The following CDC42SE2 variants were observed in gnomAD, a reference collection of about 807,000 sequenced individuals.
CDC42SE2 encodes CDC42 small effector 2, also known as CDC42 small effector protein 2.
A neutral mutation model predicts 11.5 loss-of-function variants in CDC42SE2; 3 were observed. The observed-to-expected ratio is 0.26, with a 90% CI of 0.12 to 0.67. The LOEUF is 0.67. CDC42SE2 is among the 30% of genes least tolerant of loss of function. CDC42SE2 has a pLI of 0.80. For synonymous variants in CDC42SE2, 33 were observed against 34.8 expected (o/e 0.95, Z 0.18); for missense variants, 82 against 106.8 (o/e 0.77, Z 1.02).
chr5:131,345,265 G>T (rs138786175), intron 2 of CDC42SE2, among the ~76,000 whole-genome samples: 5,946 of 152,072 alleles, frequency 0.039, 366 homozygotes, highest in African/African-American at 0.13. Context: ...GAAAAAAGAT[G>T]AGACGAATGG....
At chr5:131,365,714 G>A (rs1368941657) in intron 3 of CDC42SE2, among the ~76,000 whole-genome samples, 1 of 152,186 alleles carries the variant, frequency 6.6e-6, no homozygotes, top group African/African-American at 2.4e-5. Context: ...CTGGCGTGGT[G>A]GCTCACACCT....
intron 1 of CDC42SE2, among the ~76,000 whole-genome samples, chr5:131,289,539 G>A (rs2149708055): frequency 6.6e-6 from 1 of 152,200 alleles, no homozygotes; most frequent in South Asian, 2.1e-4. Context: ...TGGGCGTGGT[G>A]GCACGCGCCT....
At chr5:131,215,518 C>T in the CDC42SE2 span, among the ~76,000 whole-genome samples, 3 of 152,210 alleles carry the variant, frequency 2.0e-5, no homozygotes, top group Admixed American at 2.0e-4. Context: ...ACTATTGCTG[C>T]AGTCCACCTT....
intron 3 of CDC42SE2, among the ~76,000 whole-genome samples, chr5:131,381,598 C>T (rs1389080916): frequency 6.6e-6 from 1 of 152,226 alleles, no homozygotes; most frequent in Non-Finnish European, 1.5e-5. Context: ...GCTGGGATTA[C>T]AGGCGTGAGC....
chr5:131,386,927 C>T (rs774215139), intron 4 of CDC42SE2, among the ~76,000 whole-genome samples: 1 of 152,214 alleles, frequency 6.6e-6, no homozygotes, highest in Non-Finnish European at 1.5e-5. Context: ...CGACGTTTGT[C>T]ACTGCAGTTA....
the CDC42SE2 span, among the ~76,000 whole-genome samples, chr5:131,221,121 T>C: frequency 1.4e-3 from 213 of 152,110 alleles, no homozygotes; most frequent in African/African-American, 5.0e-3. Flanking sequence ...CCTGACCTCA[T>C]GCGAGCCACC....
chr5:131,365,204 T>C (rs1561430396), intron 3 of CDC42SE2, among the ~76,000 whole-genome samples: 1 of 151,560 alleles, frequency 6.6e-6, no homozygotes, highest in Non-Finnish European at 1.5e-5. Flanking sequence ...GCAGGAGAAT[T>C]GTTTGAGACT....
chr5:131,245,560 G>A (rs189659426), exon 1 of CDC42SE2: 3 of 152,230 alleles, frequency 2.0e-5, no homozygotes, highest in African/African-American at 7.2e-5. Context: ...GAAGTTAACA[G>A]TGTTTGGTGG....
At chr5:131,234,507 G>A in the CDC42SE2 span, among the ~76,000 whole-genome samples, 2 of 151,792 alleles carry the variant, frequency 1.3e-5, no homozygotes, top group East Asian at 3.9e-4. Flanking sequence ...GCAGTGGCGG[G>A]CGCCTGTAAT....
the CDC42SE2 span, among the ~76,000 whole-genome samples, chr5:131,220,397 G>C: frequency 6.6e-6 from 1 of 152,066 alleles, no homozygotes; most frequent in African/African-American, 2.4e-5. Flanking sequence ...AGTAGAGAAG[G>C]GGTTTCACCG....
At chr5:131,279,451 T>TC (rs35644276) in intron 1 of CDC42SE2, among the ~76,000 whole-genome samples, 4,071 of 68,838 alleles carry the variant, frequency 0.059, 72 homozygotes, top group Middle Eastern at 0.14. Context: ...TTCTCAGCCC[T>TC]CCCCCCCCCC....
chr5:131,233,791 C>A, the CDC42SE2 span, among the ~76,000 whole-genome samples: 1 of 152,158 alleles, frequency 6.6e-6, no homozygotes, highest in Admixed American at 6.5e-5. Context: ...TCAATCAATT[C>A]TCCAAATTTC....
intron 1 of CDC42SE2, among the ~76,000 whole-genome samples, chr5:131,275,212 AT>A (rs577643636): frequency 2.0e-5 from 3 of 150,826 alleles, no homozygotes; most frequent in Admixed American, 6.6e-5. Flanking sequence ...GGCTTGCGCT[AT>A]TTTTTTTTAA....
chr5:131,327,187 A>T (rs1758317626), intron 2 of CDC42SE2, among the ~76,000 whole-genome samples: 1 of 151,824 alleles, frequency 6.6e-6, no homozygotes, highest in Admixed American at 6.6e-5. Flanking sequence ...TGTTCTTATG[A>T]TGATTGCCCT....
chr5:131,323,340 A>G lies in CDC42SE2; in HGVS notation c.-286+7196A>G, dbSNP rs1758233135. Among the ~76,000 whole-genome samples, 3 of 151,890 alleles carry G rather than the reference A, an allele frequency of 2.0e-5. No homozygotes were observed. In the South Asian group the frequency reaches 6.2e-4, roughly 31 times the overall value. ...TGCCCGACCCCCAATCTATATTTTT[A>G]ACAAGTATTTTAATTATATATTTCT... On this transcript the variant is annotated intron_variant, in intron 2 of 4. Coordinates refer to ENST00000505065, the MANE Select transcript of CDC42SE2 (RefSeq NM_001375635.1).
chr5:131,307,257 C>T (rs1052012595), intron 1 of CDC42SE2, among the ~76,000 whole-genome samples: 1 of 140,764 alleles, frequency 7.1e-6, no homozygotes, highest in African/African-American at 2.6e-5. Context: ...TGATGTTCCC[C>T]TTCCTGTGTC....
In CDC42SE2 at chr5:131,381,613, A is replaced by G. The variant is rs549660455; in HGVS notation, c.55-3930A>G. 2.6e-5 allele frequency among the ~76,000 whole-genome samples: 4 copies of G among 152,284 alleles called. No individual in the cohort carries two copies. In the East Asian group the frequency reaches 7.7e-4, roughly 29 times the overall value. ...GCTGGGATTACAGGCGTGAGCCACC[A>G]CATCCGGCCCAAATGCTGTTGATTT... On this transcript the variant is annotated intron_variant, in intron 3 of 4. Transcript: ENST00000505065.
At chr5:131,322,411 A>G (rs898935422) in intron 2 of CDC42SE2, among the ~76,000 whole-genome samples, 8 of 152,218 alleles carry the variant, frequency 5.3e-5, no homozygotes, top group Non-Finnish European at 7.3e-5. Context: ...AAATGGAATC[A>G]TACAGTATTT....
intron 2 of CDC42SE2, among the ~76,000 whole-genome samples, chr5:131,346,724 T>G (rs1274493863): frequency 6.6e-6 from 1 of 152,120 alleles, no homozygotes; most frequent in African/African-American, 2.4e-5. Context: ...CACATCACAC[T>G]TACTCCAAAA....
Sources: gnomAD v4.1 joint callset for allele counts (sites outside exome capture counted in the v4.1 genomes callset) on GRCh38, gnomAD v4.1.1 for gene constraint, MANE v1.5 for transcripts, NCBI Gene and HGNC (gene_info 2026-07-23, HGNC 2026-07-21) for gene names.